Variants in BTD observed in about 807,000 individuals in gnomAD.
BTD encodes biocytinase.
In BTD, 13 loss-of-function variants were observed where a neutral mutation model predicts 17.7. That is an observed-to-expected ratio of 0.74 (90% CI 0.48 to 1.17). The LOEUF is 1.17. Ranked by LOEUF, BTD falls within the 50% of genes most tolerant of loss-of-function variation. BTD has a pLI of 0.00. For missense variants in BTD, 674 were observed against 650.4 expected, an observed-to-expected ratio of 1.04 and a Z score of -0.39; for synonymous variants, 240 against 245.2, an observed-to-expected ratio of 0.98 and a Z score of 0.20.
exon 4 of BTD, among the ~76,000 whole-genome samples, chr3:15,710,172 C>T (rs2072047854): frequency 6.6e-6 from 1 of 152,068 alleles, no homozygotes; most frequent in Non-Finnish European, 1.5e-5. Flanking sequence ...AGTAGTTAAG[C>T]TTACAGCTGT....
chr3:15,627,064 G>C (rs1007284032), intron 1 of BTD, among the ~76,000 whole-genome samples: 1 of 152,304 alleles, frequency 6.6e-6, no homozygotes, highest in Non-Finnish European at 1.5e-5. Flanking sequence ...CCATGCCATG[G>C]GTGAAGAAGA....
At chr3:15,711,423 T>A (rs936279855) in exon 4 of BTD, 1 of 595,866 alleles carries the variant, frequency 1.7e-6, no homozygotes, top group Admixed American at 3.2e-5. Context: ...TAAAAGGCAA[T>A]AGGATACAAT....
intron 3 of BTD, among the ~76,000 whole-genome samples, chr3:15,693,818 T>C (rs2069146914): frequency 6.6e-6 from 1 of 152,124 alleles, no homozygotes; most frequent in Non-Finnish European, 1.5e-5. Flanking sequence ...ATAGGAAGTA[T>C]CAGTAGGGAG....
chr3:15,675,598 A>C (rs538529123), intron 3 of BTD, among the ~76,000 whole-genome samples: 2 of 151,104 alleles, frequency 1.3e-5, no homozygotes, highest in South Asian at 4.2e-4. Flanking sequence ...CTTAACTAGG[A>C]TCTTGATACA....
intron 1 of BTD, among the ~76,000 whole-genome samples, chr3:15,620,897 A>G (rs1272244268): frequency 6.6e-6 from 1 of 152,230 alleles, no homozygotes; most frequent in Non-Finnish European, 1.5e-5. Flanking sequence ...TGAAAAGTCC[A>G]ATAACAGGCC....
chr3:15,647,569 TAAAAG>T lies in BTD; in HGVS notation c.*2084_*2088del, dbSNP rs1336166990. 6.6e-6 allele frequency: 1 copy of T among 152,112 alleles called. No homozygotes were observed. Among genetic ancestry groups the T allele is most frequent in the Non-Finnish European group, 1.5e-5 (1 of 68,030 alleles). 9.4% of individuals were successfully genotyped at this position (152,112 alleles called of 1,614,324 possible). On this transcript the variant is annotated 3_prime_UTR_variant, in exon 4 of 4. Coordinates refer to ENST00000643237, the MANE Select transcript of BTD (RefSeq NM_001370658.1). ...GGTAGAACAAAGTAATTTTTACAAT[TAAAAG>T]AAGTAGCTGCCAGATGACAGAACAA...
At chr3:15,688,141 G>A (rs1031792226) in intron 3 of BTD, among the ~76,000 whole-genome samples, 1 of 149,954 alleles carries the variant, frequency 6.7e-6, no homozygotes, top group Non-Finnish European at 1.5e-5. Context: ...TAATGTCTCA[G>A]TTCAATATTT....
At chr3:15,705,478 A>G (rs1253352252) in intron 3 of BTD, among the ~76,000 whole-genome samples, 1 of 152,226 alleles carries the variant, frequency 6.6e-6, no homozygotes, top group Non-Finnish European at 1.5e-5. Flanking sequence ...CTGTGAAAGT[A>G]GTGGTAAAGG....
chr3:15,666,685 T>C (rs1044624626), intron 3 of BTD, among the ~76,000 whole-genome samples: 1 of 113,396 alleles, frequency 8.8e-6, no homozygotes, highest in Non-Finnish European at 2.3e-5. Flanking sequence ...TCTTGTATAT[T>C]TTCATCATCT....
At chr3:15,644,221 C>T (rs1266836237) in intron 3 of BTD, 95 bp from the exon 4 acceptor site, 4 of 1,309,118 alleles carry the variant, frequency 3.1e-6, no homozygotes, top group African/African-American at 1.5e-5. Context: ...AGGGTGGTCT[C>T]AATCTCCTGA....
Position 15,653,582 on chromosome 3 carries a change from T to C in BTD, c.*8094T>C, listed in dbSNP as rs2065838654. Among the ~76,000 whole-genome samples the C allele has an allele frequency of 6.6e-6, 1 of 152,272 alleles. No individual in the cohort carries two copies. Among genetic ancestry groups the C allele is most frequent in the Admixed American group, 6.5e-5 (1 of 15,286 alleles). ...ATATATTATTTTTGTTTTGTTTGAC[T>C]AAAGGCAATTATATTTACATTTTCT... On this transcript the variant is annotated 3_prime_UTR_variant, in exon 4 of 4. Coordinates refer to ENST00000643237, the MANE Select transcript of BTD (RefSeq NM_001370658.1).
In BTD at chr3:15,626,756, G is replaced by T. The variant is rs1331155530; in HGVS notation, c.-16-8668G>T. ...TGATCATGCCACTGTACTCCAGCCT[G>T]GGCAACAGAGCAAGACCCTGTCTCA... On this transcript the variant is annotated intron_variant, in intron 1 of 3. Transcript: ENST00000643237. Among the ~76,000 whole-genome samples, 8 of 147,240 alleles carry T rather than the reference G, an allele frequency of 5.4e-5. No homozygotes were observed. In the East Asian group the frequency reaches 1.6e-3, roughly 29 times the overall value.
chr3:15,680,212 T>C (rs1265485444), intron 3 of BTD, among the ~76,000 whole-genome samples: 3 of 148,192 alleles, frequency 2.0e-5, no homozygotes, highest in African/African-American at 7.3e-5. Context: ...GAAATATTAT[T>C]ATTATTATTT....
At chr3:15,617,080 G>T (rs2064815878) in intron 1 of BTD, among the ~76,000 whole-genome samples, 1 of 152,172 alleles carries the variant, frequency 6.6e-6, no homozygotes, top group Non-Finnish European at 1.5e-5. Context: ...TGATCTGCCT[G>T]CCTTGGCCTC....
At chr3:15,626,137 G>A (rs748640343) in intron 1 of BTD, among the ~76,000 whole-genome samples, 4 of 152,066 alleles carry the variant, frequency 2.6e-5, no homozygotes, top group Admixed American at 2.6e-4. Context: ...TTATTTTTGT[G>A]TATGGCCTAA....
chr3:15,621,500 T>A (rs1267383694), intron 1 of BTD, among the ~76,000 whole-genome samples: 1 of 152,264 alleles, frequency 6.6e-6, no homozygotes, highest in Non-Finnish European at 1.5e-5. Context: ...TTTTGAATTA[T>A]TGATTCAATT....
chr3:15,612,115 C>G (rs1438881568), intron 1 of BTD, among the ~76,000 whole-genome samples: 1 of 152,150 alleles, frequency 6.6e-6, no homozygotes. Flanking sequence ...CTTTTCCTCA[C>G]TGTTACCACC....
intron 3 of BTD, among the ~76,000 whole-genome samples, chr3:15,658,928 T>C (rs897810248): frequency 1.6e-4 from 25 of 152,140 alleles, no homozygotes; most frequent in Non-Finnish European, 3.5e-4. Context: ...ATACAGGTTG[T>C]CCTGTCTGCC....
At chr3:15,643,050 T>TA (rs145247612) in intron 3 of BTD, among the ~76,000 whole-genome samples, 15,192 of 140,544 alleles carry the variant, frequency 0.11, 1,149 homozygotes, top group East Asian at 0.36. Flanking sequence ...AAAAATAAAA[T>TA]AAAATAAAGA....
Sources: gnomAD v4.1 joint callset for allele counts (sites outside exome capture counted in the v4.1 genomes callset) on GRCh38, gnomAD v4.1.1 for gene constraint, MANE v1.5 for transcripts, NCBI Gene and HGNC (gene_info 2026-07-23, HGNC 2026-07-21) for gene names.